The following THAP6 variants were observed in gnomAD, a reference collection of about 807,000 sequenced individuals.
THAP6 encodes THAP domain-containing protein 6.
A neutral mutation model predicts 20.0 loss-of-function variants in THAP6; 13 were observed. The ratio of observed to expected loss-of-function variants is 0.65; its 90% confidence interval spans 0.42 to 1.03. The LOEUF (loss-of-function observed/expected upper bound fraction) is 1.03. Among genes scored for constraint, THAP6 ranks in the 50% least tolerant of loss-of-function variants. THAP6 has a pLI of 0.00. For synonymous variants in THAP6, 93 were observed against 92.2 expected, an observed-to-expected ratio of 1.01 and a Z score of -0.05; for missense variants, 262 against 261.6, an observed-to-expected ratio of 1.00 and a Z score of -0.01.
At position 75,521,161 on chromosome 4, in the gene THAP6, A is replaced by G. The variant is rs565204383; in HGVS notation, c.289-575A>G. 5.1e-4 allele frequency among the ~76,000 whole-genome samples: 77 copies of G among 151,186 alleles called. 5 individuals carry two copies. The South Asian group carries it at 0.014, about 27-fold the overall frequency. ...TTTTTTGAAATTCAGGCTTTTTTCA[A>G]TGTAGTCAATTCTATATTTTCTTGT... On this transcript the variant is annotated intron_variant, in intron 3 of 4. Coordinates refer to ENST00000311638, the MANE Select transcript of THAP6 (RefSeq NM_144721.6).
intron 1 of THAP6, 116 bp from the exon 2 acceptor site, chr4:75,515,317 G>T (rs916769460): frequency 1.1e-6 from 1 of 892,316 alleles, no homozygotes; most frequent in African/African-American, 1.7e-5. Context: ...GTTAGAAGAA[G>T]ATATTTGTCT....
chr4:75,530,489 C>G (rs895852487), downstream of THAP6, among the ~76,000 whole-genome samples: 4 of 152,194 alleles, frequency 2.6e-5, no homozygotes, highest in Non-Finnish European at 5.9e-5. Context: ...ATCTCACCAT[C>G]TGGAGCACAT....
chr4:75,526,120 G>A (rs974393070), intron 4 of THAP6, among the ~76,000 whole-genome samples: 4 of 152,162 alleles, frequency 2.6e-5, no homozygotes, highest in African/African-American at 9.7e-5. Flanking sequence ...CCCTGAGGCC[G>A]AGAAACTCTC....
chr4:75,525,525 A>G (rs1726309773), intron 4 of THAP6, among the ~76,000 whole-genome samples: 1 of 152,156 alleles, frequency 6.6e-6, no homozygotes, highest in Non-Finnish European at 1.5e-5. Flanking sequence ...ATAGAATACA[A>G]TTTTAATAAC....
intron 2 of THAP6, chr4:75,540,080 C>G (rs1726964156): frequency 7.0e-6 from 8 of 1,147,160 alleles, no homozygotes; most frequent in Non-Finnish European, 8.4e-6. Context: ...TCCTCTCACT[C>G]CAATACTGAC....
chr4:75,528,413 G>A lies in THAP6; in HGVS notation c.*1199G>A. The stretch of plus-strand genomic sequence containing the variant: ...TGCCAAAGCAACACTCTACTTAGAA[G>A]CACATGTACATACATGGACCTCATT... On this transcript the variant is annotated 3_prime_UTR_variant, in exon 5 of 5. Transcript: ENST00000311638. 1 of 985,400 alleles carries A rather than the reference G, an allele frequency of 1.0e-6. No homozygotes were observed. Among genetic ancestry groups the A allele is most frequent in the Non-Finnish European group, 1.2e-6 (1 of 829,906 alleles). The allele number at this position is 985,400 out of a possible 1,614,324, so 61.0% of individuals were successfully genotyped here.
chr4:75,539,813 T>C, intron 2 of THAP6: 4 of 1,535,682 alleles, frequency 2.6e-6, no homozygotes, highest in Non-Finnish European at 3.5e-6. Flanking sequence ...CAATGAGCCA[T>C]CCACATACTG....
At chr4:75,514,192 G>C (rs767669621), upstream of THAP6, 6 of 1,606,814 alleles carry the variant, frequency 3.7e-6, no homozygotes, top group Non-Finnish European at 4.3e-6. Context: ...CATAGAAGGC[G>C]TCACCTTTAG....
At chr4:75,525,562 AT>A (rs1489602433) in intron 4 of THAP6, among the ~76,000 whole-genome samples, 13 of 152,090 alleles carry the variant, frequency 8.5e-5, no homozygotes, top group Non-Finnish European at 2.9e-5. Flanking sequence ...TAATTCTAAC[AT>A]TTGTGTCAGT....
intron 3 of THAP6, among the ~76,000 whole-genome samples, chr4:75,547,132 T>A (rs1176843740): frequency 6.6e-6 from 1 of 152,172 alleles, no homozygotes; most frequent in Non-Finnish European, 1.5e-5. Flanking sequence ...TGCGTCAACA[T>A]GCAGGTACAG....
chr4:75,515,325 T>C, intron 1 of THAP6, 108 bp from the exon 2 acceptor site: 7 of 993,000 alleles, frequency 7.0e-6, no homozygotes, highest in Non-Finnish European at 1.1e-5. Flanking sequence ...AAGATATTTG[T>C]CTTTAGCTTT....
In THAP6 at chr4:75,529,679, A is replaced by G. The variant is rs1362826057; in HGVS notation, c.*2465A>G. The stretch of plus-strand genomic sequence containing the variant: ...AAACCCAAGTCATCCCCCTCCAGAA[A>G]TTTCTCTGGCAGCCAAGCCTGACCC... On this transcript the variant is annotated 3_prime_UTR_variant, in exon 5 of 5. Coordinates refer to ENST00000311638, the MANE Select transcript of THAP6 (RefSeq NM_144721.6). 2 of 985,354 alleles carry G rather than the reference A, an allele frequency of 2.0e-6. No individual in the cohort carries two copies. The highest frequency in any genetic ancestry group is 2.3e-4 in the East Asian group (2 of 8,812). 61.0% of individuals were successfully genotyped at this position (985,354 alleles called of 1,614,324 possible).
chr4:75,514,130 C>A (rs142909055), upstream of THAP6: 11 of 1,566,034 alleles, frequency 7.0e-6, no homozygotes, highest in East Asian at 2.3e-4. Flanking sequence ...AGCCTAACCA[C>A]CTGCCCAGCC....
chr4:75,532,880 G>A (rs1217825930), downstream of THAP6, among the ~76,000 whole-genome samples: 8 of 152,156 alleles, frequency 5.3e-5, no homozygotes, highest in Non-Finnish European at 1.5e-5. Flanking sequence ...CCTGGGCCTG[G>A]CCCACAAAAC....
intron 3 of THAP6, among the ~76,000 whole-genome samples, chr4:75,546,708 C>A (rs1056851294): frequency 1.3e-5 from 2 of 152,110 alleles, no homozygotes; most frequent in African/African-American, 4.8e-5. Context: ...CAGAGAAGAG[C>A]CTATACTGCA....
intron 3 of THAP6, among the ~76,000 whole-genome samples, chr4:75,518,251 TATAAC>T (rs1245379812): frequency 1.3e-5 from 2 of 152,234 alleles, no homozygotes; most frequent in Non-Finnish European, 2.9e-5. Flanking sequence ...TTGATTTTCT[TATAAC>T]AAATAAATTT....
chr4:75,523,737 G>C (rs1726183418), intron 4 of THAP6, among the ~76,000 whole-genome samples: 1 of 150,262 alleles, frequency 6.7e-6, no homozygotes, highest in Non-Finnish European at 1.5e-5. Flanking sequence ...GGAGATCAAG[G>C]CTGCAGTGAG....
chr4:75,516,327 T>C (rs1223502617), intron 2 of THAP6, among the ~76,000 whole-genome samples: 1 of 152,250 alleles, frequency 6.6e-6, no homozygotes, highest in Non-Finnish European at 1.5e-5. Context: ...AGACCTGCTA[T>C]GTATTAAATG....
chr4:75,526,797 A>G (rs1329889593), intron 4 of THAP6, among the ~76,000 whole-genome samples, 163 bp from the exon 5 acceptor site: 1 of 152,150 alleles, frequency 6.6e-6, no homozygotes, highest in Non-Finnish European at 1.5e-5. Context: ...CACCCTAAAT[A>G]TTGCTTCTAC....
Sources: gnomAD v4.1 joint callset for allele counts (sites outside exome capture counted in the v4.1 genomes callset) on GRCh38, gnomAD v4.1.1 for gene constraint, MANE v1.5 for transcripts, NCBI Gene and HGNC (gene_info 2026-07-23, HGNC 2026-07-21) for gene names.